NEGR1: variants seen among roughly 807,000 people sequenced by gnomAD.
NEGR1 encodes the protein neuronal growth regulator 1.
In NEGR1, 10 loss-of-function variants were observed where a neutral mutation model predicts 40.9. That is an observed-to-expected ratio of 0.24 (90% CI 0.15 to 0.42). The LOEUF is 0.42. Among genes scored for constraint, NEGR1 ranks in the 10% least tolerant of loss-of-function variants. The pLI is 1.00. For missense variants in NEGR1, 352 were observed against 438.9 expected, an observed-to-expected ratio of 0.80 and a Z score of 1.77; for synonymous variants, 185 against 166.8, an observed-to-expected ratio of 1.11 and a Z score of -0.84.
chr1:71,911,355 T>C (rs753068386), intron 2 of NEGR1, among the ~76,000 whole-genome samples: 2 of 152,196 alleles, frequency 1.3e-5, no homozygotes, highest in Non-Finnish European at 2.9e-5. Context: ...TGAGATGACA[T>C]CCACTTAAAA....
chr1:71,926,287 T>A (rs1006382598), intron 2 of NEGR1, among the ~76,000 whole-genome samples: 11 of 151,822 alleles, frequency 7.2e-5, no homozygotes, highest in Non-Finnish European at 1.6e-4. Flanking sequence ...TTCTTATATA[T>A]CCTATTCCCA....
chr1:71,936,369 A>G (rs1645905651), intron 1 of NEGR1, among the ~76,000 whole-genome samples: 1 of 152,206 alleles, frequency 6.6e-6, no homozygotes, highest in South Asian at 2.1e-4. Flanking sequence ...GTTGCTGTCT[A>G]CAAGTTTTAG....
chr1:71,784,232 T>C (rs1656824301), intron 2 of NEGR1, among the ~76,000 whole-genome samples: 1 of 152,148 alleles, frequency 6.6e-6, no homozygotes, highest in African/African-American at 2.4e-5. Flanking sequence ...CAATAGTATG[T>C]AGTGAGTTCC....
At chr1:71,828,081 T>C (rs1490762600) in intron 2 of NEGR1, among the ~76,000 whole-genome samples, 1 of 151,936 alleles carries the variant, frequency 6.6e-6, no homozygotes, top group Non-Finnish European at 1.5e-5. Context: ...AATTATCCCA[T>C]ATAATACTGT....
chr1:71,969,767 C>T (rs137975805), intron 1 of NEGR1, among the ~76,000 whole-genome samples: 3 of 152,296 alleles, frequency 2.0e-5, no homozygotes, highest in African/African-American at 7.2e-5. Context: ...TGTGTTTCCT[C>T]CTTGAGAAGC....
chr1:72,214,428 T>A (rs1040660534), intron 1 of NEGR1, among the ~76,000 whole-genome samples: 1 of 152,092 alleles, frequency 6.6e-6, no homozygotes, highest in African/African-American at 2.4e-5. Context: ...TCAAATTATC[T>A]CTGCTTGCAG....
intron 1 of NEGR1, among the ~76,000 whole-genome samples, chr1:72,032,261 T>C (rs1646864838): frequency 6.6e-6 from 1 of 152,052 alleles, no homozygotes; most frequent in African/African-American, 2.4e-5. Context: ...ATCATAAGCA[T>C]CCTAAATAAC....
chr1:71,445,339 T>G (rs1646574360), intron 6 of NEGR1, among the ~76,000 whole-genome samples: 1 of 151,716 alleles, frequency 6.6e-6, no homozygotes, highest in Non-Finnish European at 1.5e-5. Flanking sequence ...CTGTCAAAAT[T>G]GTCTTAAAGC....
intron 2 of NEGR1, among the ~76,000 whole-genome samples, chr1:71,851,892 A>G (rs1027107766): frequency 6.6e-6 from 1 of 152,162 alleles, no homozygotes; most frequent in African/African-American, 2.4e-5. Context: ...CATGTAATTC[A>G]CTTCCCTTAC....
intron 1 of NEGR1, among the ~76,000 whole-genome samples, chr1:72,003,539 A>G (rs1030973702): frequency 1.3e-5 from 2 of 152,186 alleles, no homozygotes; most frequent in African/African-American, 4.8e-5. Context: ...TTAGGTAGAA[A>G]GAAAATGGAG....
At chr1:72,003,228 G>A (rs887492317) in intron 1 of NEGR1, among the ~76,000 whole-genome samples, 12 of 151,518 alleles carry the variant, frequency 7.9e-5, no homozygotes, top group Non-Finnish European at 1.5e-4. Context: ...GTGTTGGGTC[G>A]GAGGTTAGGC....
chr1:72,087,153 C>T (rs1274764187), intron 1 of NEGR1, among the ~76,000 whole-genome samples: 1 of 152,156 alleles, frequency 6.6e-6, no homozygotes, highest in Non-Finnish European at 1.5e-5. Flanking sequence ...GGCACAGTGG[C>T]TTACACCTGT....
At chr1:72,208,944 G>GA (rs1177799218) in intron 1 of NEGR1, among the ~76,000 whole-genome samples, 3 of 151,374 alleles carry the variant, frequency 2.0e-5, no homozygotes, top group East Asian at 1.9e-4. Context: ...TAAAAAAATA[G>GA]AAAAAAATAT....
intron 1 of NEGR1, among the ~76,000 whole-genome samples, chr1:72,055,421 C>A (rs1482549255): frequency 6.6e-6 from 1 of 151,116 alleles, no homozygotes; most frequent in Non-Finnish European, 1.5e-5. Flanking sequence ...TACAATGCTG[C>A]TTAACTTGAT....
chr1:71,918,963 G>A (rs2101880945), intron 2 of NEGR1, among the ~76,000 whole-genome samples: 1 of 152,246 alleles, frequency 6.6e-6, no homozygotes, highest in Non-Finnish European at 1.5e-5. Flanking sequence ...TTTCCAGATG[G>A]AGTGATTTTG....
At chr1:71,503,417 C>A (rs1647011613) in intron 6 of NEGR1, among the ~76,000 whole-genome samples, 1 of 152,110 alleles carries the variant, frequency 6.6e-6, no homozygotes, top group African/African-American at 2.4e-5. Flanking sequence ...TTGCCCCCTC[C>A]ATACATCTCA....
At chr1:71,661,315 T>A (rs548284786) in intron 4 of NEGR1, among the ~76,000 whole-genome samples, 2 of 152,312 alleles carry the variant, frequency 1.3e-5, no homozygotes, top group East Asian at 1.9e-4. Context: ...GAAATTGGAA[T>A]ACTTTTACAC....
chr1:71,599,614 A>G (rs1649850702), intron 5 of NEGR1, among the ~76,000 whole-genome samples: 2 of 152,172 alleles, frequency 1.3e-5, no homozygotes, highest in South Asian at 4.1e-4. Flanking sequence ...ATCATGCATC[A>G]CTGTCTTAGC....
At chr1:72,258,505 G>A (rs755878365) in intron 1 of NEGR1, among the ~76,000 whole-genome samples, 34 of 152,084 alleles carry the variant, frequency 2.2e-4, no homozygotes, top group Non-Finnish European at 4.1e-4. Flanking sequence ...GTAGAAAATA[G>A]AGCAGAGACA....
Sources: gnomAD v4.1 joint callset for allele counts (sites outside exome capture counted in the v4.1 genomes callset) on GRCh38, gnomAD v4.1.1 for gene constraint, MANE v1.5 for transcripts, NCBI Gene and HGNC (gene_info 2026-07-23, HGNC 2026-07-21) for gene names.